LRRC1: variants seen among roughly 807,000 people sequenced by gnomAD.
The protein encoded by LRRC1 is leucine-rich repeat-containing protein 1.
LRRC1 carries 28 observed loss-of-function variants against 69.9 expected under a neutral mutation model. The ratio of observed to expected loss-of-function variants is 0.40; its 90% CI spans 0.30 to 0.55. LRRC1 has a LOEUF of 0.55. LRRC1 is among the 20% of genes least tolerant of loss of function. LRRC1 has a pLI of 0.47. For missense variants in LRRC1, 498 were observed against 609.0 expected, an observed-to-expected ratio of 0.82 and a Z score of 1.92; for synonymous variants, 236 against 240.2, an observed-to-expected ratio of 0.98 and a Z score of 0.16.
chr6:53,833,926 G>C (rs1335546268), intron 1 of LRRC1, among the ~76,000 whole-genome samples: 1 of 152,160 alleles, frequency 6.6e-6, no homozygotes, highest in African/African-American at 2.4e-5. Context: ...AAGTATTTGT[G>C]ATTCTCTGGA....
chr6:53,802,489 G>T (rs1764514867), intron 1 of LRRC1, among the ~76,000 whole-genome samples: 1 of 152,144 alleles, frequency 6.6e-6, no homozygotes, highest in Non-Finnish European at 1.5e-5. Flanking sequence ...CCTCCCTTCT[G>T]TGGACATATT....
At chr6:53,846,337 A>G (rs4437471) in intron 2 of LRRC1, among the ~76,000 whole-genome samples, 129,230 of 152,188 alleles carry the variant, frequency 0.85, 54,958 homozygotes, top group East Asian at 0.96. Context: ...TTTTTTCTGA[A>G]GGACAAGTAG....
At chr6:53,864,368 C>G (rs1012755427) in intron 2 of LRRC1, among the ~76,000 whole-genome samples, 1 of 152,124 alleles carries the variant, frequency 6.6e-6, no homozygotes, top group African/African-American at 2.4e-5. Context: ...CTTGGAACCT[C>G]AGGCTTTGTT....
At chr6:53,909,161 C>T (rs1029403395) in intron 10 of LRRC1, among the ~76,000 whole-genome samples, 2 of 152,216 alleles carry the variant, frequency 1.3e-5, no homozygotes, top group African/African-American at 4.8e-5. Flanking sequence ...AGGCAGCTAA[C>T]ATGTGCCAGG....
Position 53,795,199 on chromosome 6 carries a change from G to A in LRRC1, c.-58G>A. ...CTGAGCGGAGCCGCCGGCCAGAGCG[G>A]GCTCGGAGCCCGGGTCTCCGCCGCT... is the stretch of plus-strand genomic sequence containing the variant. On this transcript the variant is annotated 5_prime_UTR_variant, in exon 1 of 14. Transcript: ENST00000370888. 6.7e-7 allele frequency: 1 copy of A among 1,495,960 alleles called. No individual in the cohort carries two copies. The highest frequency in any genetic ancestry group is 8.9e-7 in the Non-Finnish European group (1 of 1,120,376). The allele number at this position is 1,495,960 out of a possible 1,614,324, so 92.7% of individuals were successfully genotyped here. A position where few individuals can be genotyped will look rare whatever the true frequency, so the allele number is the denominator to read the frequency against.
intron 4 of LRRC1, among the ~76,000 whole-genome samples, chr6:53,891,578 A>G (rs989647679): frequency 6.6e-6 from 1 of 152,010 alleles, no homozygotes; most frequent in Admixed American, 6.6e-5. Context: ...AAAGCCCTGC[A>G]TGAATCCATA....
At chr6:53,846,405 T>G (rs1216590820) in intron 2 of LRRC1, among the ~76,000 whole-genome samples, 2 of 152,220 alleles carry the variant, frequency 1.3e-5, no homozygotes, top group Admixed American at 6.5e-5. Flanking sequence ...CTAGATGTGC[T>G]CAGCAGAGAG....
intron 1 of LRRC1, among the ~76,000 whole-genome samples, chr6:53,803,870 A>G (rs1764561670): frequency 6.6e-6 from 1 of 152,194 alleles, no homozygotes; most frequent in African/African-American, 2.4e-5. Context: ...TCTGGCCACC[A>G]TAGTCACCTT....
At chr6:53,831,105 A>G (rs1387258772) in intron 1 of LRRC1, among the ~76,000 whole-genome samples, 1 of 151,818 alleles carries the variant, frequency 6.6e-6, no homozygotes, top group Non-Finnish European at 1.5e-5. Context: ...GCTTATGTAT[A>G]TTTAGAATAT....
At chr6:53,862,286 CGTGTGTGTGTGTGTGTGT>C (rs6149589) in intron 2 of LRRC1, among the ~76,000 whole-genome samples, 5 of 144,264 alleles carry the variant, frequency 3.5e-5, no homozygotes, top group Admixed American at 1.4e-4. Flanking sequence ...TAACCTGAAT[CGTGTGTGTGTGTGTGTGT>C]GTGTGTGTGT....
At chr6:53,824,751 A>G (rs1268327815) in intron 1 of LRRC1, among the ~76,000 whole-genome samples, 2 of 152,196 alleles carry the variant, frequency 1.3e-5, no homozygotes, top group South Asian at 4.1e-4. Flanking sequence ...GTAAATTTTG[A>G]GTAGGAAGAG....
intron 1 of LRRC1, among the ~76,000 whole-genome samples, chr6:53,820,593 G>C (rs1035416695): frequency 3.3e-5 from 5 of 151,142 alleles, no homozygotes; most frequent in Non-Finnish European, 7.4e-5. Flanking sequence ...TAACCTCCCC[G>C]CCCCCATTTT....
chr6:53,897,264 CT>C lies in LRRC1; in HGVS notation c.568-13del, dbSNP rs765838567. On this transcript the variant is annotated intron_variant, in intron 6 of 13. Transcript: ENST00000370888. ...GAAAATTGAATCTTTGTTACCGTAA[CT>C]TTTTTTTCTTTTGTTTTAGCCAGAA... 3.1e-5 allele frequency: 48 copies of C among 1,542,520 alleles called. No individual in the cohort carries two copies. The highest frequency in any genetic ancestry group is 2.5e-4 in the African/African-American group (18 of 73,148).
In LRRC1 at chr6:53,830,553, T is replaced by C. The variant is rs368068442; in HGVS notation, c.160-11557T>C. 4.6e-5 allele frequency among the ~76,000 whole-genome samples: 7 copies of C among 152,358 alleles called. No homozygotes were observed. In the South Asian group the frequency reaches 6.2e-4, roughly 14 times the overall value. Reference sequence around the variant, plus strand: ...TCTGTTTCGTGTTTGCATAACTGTTTGTGAGTTGCTAGGGAATATACTCTC... The same window carrying C: ...TCTGTTTCGTGTTTGCATAACTGTTCGTGAGTTGCTAGGGAATATACTCTC... On this transcript the variant is annotated intron_variant, in intron 1 of 13. Coordinates refer to ENST00000370888, the MANE Select transcript of LRRC1 (RefSeq NM_018214.5).
At chr6:53,907,645 A>G (rs1312989374) in intron 10 of LRRC1, among the ~76,000 whole-genome samples, 2 of 151,840 alleles carry the variant, frequency 1.3e-5, no homozygotes, top group African/African-American at 4.8e-5. Context: ...TCTAACTTCC[A>G]TTCTGCTTCT....
intron 3 of LRRC1, 21 bp from the exon 4 acceptor site, chr6:53,882,866 T>C: frequency 5.3e-6 from 8 of 1,498,226 alleles, no homozygotes; most frequent in Non-Finnish European, 7.4e-6. Context: ...TACAGCGTTT[T>C]GTTTGTTTGT....
intron 1 of LRRC1, among the ~76,000 whole-genome samples, chr6:53,805,413 G>A (rs1030841404): frequency 1.3e-5 from 2 of 152,116 alleles, no homozygotes; most frequent in African/African-American, 4.8e-5. Flanking sequence ...TGGTGTGCAG[G>A]ATGTTTGGGA....
chr6:53,895,716 C>G (rs951879530), intron 4 of LRRC1, among the ~76,000 whole-genome samples: 2 of 152,218 alleles, frequency 1.3e-5, no homozygotes, highest in Non-Finnish European at 2.9e-5. Context: ...AGAATTGCCA[C>G]TGCCTGTCAA....
At chr6:53,861,610 G>A (rs997409208) in intron 2 of LRRC1, among the ~76,000 whole-genome samples, 3 of 151,912 alleles carry the variant, frequency 2.0e-5, no homozygotes, top group African/African-American at 7.3e-5. Context: ...CCTGGATTAG[G>A]GATGTGCTTT....
Sources: gnomAD v4.1 joint callset for allele counts (sites outside exome capture counted in the v4.1 genomes callset) on GRCh38, gnomAD v4.1.1 for gene constraint, MANE v1.5 for transcripts, NCBI Gene and HGNC (gene_info 2026-07-23, HGNC 2026-07-21) for gene names.